TNKS1BP1: variants seen among roughly 807,000 people sequenced by gnomAD.
The protein encoded by TNKS1BP1 is 182 kDa tankyrase-1-binding protein.
A neutral mutation model predicts 141.1 loss-of-function variants in TNKS1BP1; 48 were observed. The ratio of observed to expected loss-of-function variants is 0.34; its 90% confidence interval spans 0.27 to 0.43. TNKS1BP1 has a LOEUF of 0.43. TNKS1BP1 is among the 20% of genes least tolerant of loss of function. TNKS1BP1 has a pLI of 1.00. For synonymous variants in TNKS1BP1, 875 were observed against 898.2 expected, an observed-to-expected ratio of 0.97 and a Z score of 0.46; for missense variants, 2,149 against 2,226.0, an observed-to-expected ratio of 0.97 and a Z score of 0.70.
chr11:57,320,630 C>A lies in TNKS1BP1; in HGVS notation c.177G>T (p.Leu59=), dbSNP rs1420150462. Residue 59 remains leucine, a synonymous_variant, in exon 3 of 12, where the codon CTG becomes CTT. Transcript: ENST00000358252. ...AKPALPAKPS[L]LVPVGPRPPR... ...GAGGCCGAGGCCCAACAGGCACCAGCAGGCTGGGTTTGGCAGGCAGGGCTG... is the reference window on the plus strand; with the variant it reads ...GAGGCCGAGGCCCAACAGGCACCAGAAGGCTGGGTTTGGCAGGCAGGGCTG... 2.5e-6 allele frequency: 4 copies of A among 1,613,424 alleles called. No individual in the cohort carries two copies. In the South Asian group the frequency reaches 4.4e-5, roughly 18 times the overall value.
At chr11:57,317,705 C>T (rs1011190837) in intron 4 of TNKS1BP1, 113 bp downstream of exon 4, 73 of 1,144,818 alleles carry the variant, frequency 6.4e-5, no homozygotes, top group Admixed American at 2.0e-5. Flanking sequence ...AGTCACTCTC[C>T]CCATGGGCCT....
rs1020493249 is a variant in TNKS1BP1, at chr11:57,320,464, G to C, written c.343C>G (p.Gln115Glu). 1.2e-6 allele frequency: 2 copies of C among 1,608,164 alleles called. No individual in the cohort carries two copies. The highest frequency in any genetic ancestry group is 8.5e-7 in the Non-Finnish European group (1 of 1,176,056). Residue 115 changes from glutamine (Q) to glutamate (E), a missense_variant, in exon 3 of 12, where the codon CAA (glutamine) becomes GAA (glutamate). Transcript: ENST00000358252. ...VEASTGGEAT[Q>E]ETGKEEAGKE... The stretch of plus-strand genomic sequence containing the variant: ...CCAGCCTCCTCTTTCCCAGTCTCTT[G>C]GGTGGCTTCTCCTCCAGTGGAGGCC...
At chr11:57,311,241 T>C in intron 5 of TNKS1BP1, 3 of 985,474 alleles carry the variant, frequency 3.0e-6, no homozygotes, top group Non-Finnish European at 3.6e-6. Context: ...GACTCACCCT[T>C]GTGGGCGGGA....
In TNKS1BP1 at chr11:57,313,825, G is replaced by C; in HGVS notation, c.863C>G (p.Pro288Arg). 1 of 1,540,656 alleles carries C rather than the reference G, an allele frequency of 6.5e-7. No individual in the cohort carries two copies. The highest frequency in any genetic ancestry group is 1.3e-5 in the South Asian group (1 of 77,122). Residue 288 changes from proline (P) to arginine (R), a missense_variant, in exon 5 of 12, where the codon CCA (proline) becomes CGA (arginine). By Grantham distance (103) the Pro-to-Arg change is moderately radical (BLOSUM62 -2). Coordinates refer to ENST00000358252, the MANE Select transcript of TNKS1BP1 (RefSeq NM_033396.3). The part of the protein sequence containing the change: ...PSSENGGPAS[P>R]GLPAEASGSG... ...GCCTGAGGCTTCTGCGGGGAGGCCT[G>C]GGCTGGCAGGGCCTCCATTCTCTGA...
chr11:57,302,591 C>T lies in TNKS1BP1; in HGVS notation c.4551G>A (p.Gln1517=). The change falls in exon 7 of 12, where the codon CAG becomes CAA. Residue 1517 remains glutamine (Q), a synonymous_variant. Transcript: ENST00000358252. The surrounding 1 kb of genome is among the most constrained non-coding windows in gnomAD (Gnocchi z 5.5). ...CCCAGGTGCCATCCACGTCTTCTGT[C>T]TGGCTGGCCTCACCATCAGGCTGCG... ...WRPQPDGEAS[Q]TEDVDGTWGS... is the part of the protein sequence containing the mutation. 6.2e-7 allele frequency: 1 copy of T among 1,613,050 alleles called. No homozygotes were observed. Among genetic ancestry groups the T allele is most frequent in the African/African-American group, 1.3e-5 (1 of 75,052 alleles).
rs1253858782 is a variant in TNKS1BP1, at chr11:57,311,141, GGCCCAGGAAAGAC to G, written c.2155-598_2155-586del. 5.1e-6 allele frequency: 4 copies of G among 781,242 alleles called. No homozygotes were observed. In the East Asian group the frequency reaches 3.8e-4, roughly 74 times the overall value. The allele number at this position is 781,242 out of a possible 1,614,324, so 48.4% of individuals were successfully genotyped here. A position where few individuals can be genotyped will look rare whatever the true frequency, so the allele number is the denominator to read the frequency against. On this transcript the variant is annotated intron_variant, in intron 5 of 11. Transcript: ENST00000358252. ...AGGAAGACCTCTCAGCCCTCACCCT[GGCCCAGGAAAGAC>G]AAGAGGGGCAGCCTCTGGCACAGGG...
intron 5 of TNKS1BP1, among the ~76,000 whole-genome samples, chr11:57,311,687 G>A (rs1195574878): frequency 4.0e-5 from 6 of 151,444 alleles, no homozygotes; most frequent in African/African-American, 7.3e-5. Flanking sequence ...GCCCAGGCCC[G>A]GCTTGAGAAA....
At chr11:57,324,446 C>T (rs1565048755) in intron 1 of TNKS1BP1, among the ~76,000 whole-genome samples, 1 of 106,058 alleles carries the variant, frequency 9.4e-6, no homozygotes, top group Non-Finnish European at 1.9e-5. Flanking sequence ...AGACGTCGAT[C>T]AGGTGGGGGC....
rs201586158 is a variant in TNKS1BP1 at position 57,312,658 on chromosome 11, C to T, written c.2030G>A (p.Gly677Asp). 3.8e-5 allele frequency: 61 copies of T among 1,587,306 alleles called. No individual in the cohort carries two copies. The African/African-American group carries it at 7.7e-4, about 20-fold the overall frequency. ...CAGCCAGCGGGAGCTGCTTTCAGGG[C>T]CTGGAGGCTCGGGGGATGCCCTACA... Reference protein sequence around the residue: ...DLCRASPEPPGPESSSRWLDD... With the variant: ...DLCRASPEPPDPESSSRWLDD... Residue 677 changes from glycine (G) to aspartate (D), a missense_variant, in exon 5 of 12, where the codon GGC becomes GAC. Physicochemically the swap from Gly to Asp is moderately conservative, Grantham distance 94 (BLOSUM62 -1). Transcript: ENST00000358252.
Position 57,308,897 on chromosome 11 carries a change from T to G in TNKS1BP1, c.3814A>C (p.Arg1272=). 4 of 1,613,934 alleles carry G rather than the reference T, an allele frequency of 2.5e-6. No individual in the cohort carries two copies. The highest frequency in any genetic ancestry group is 3.4e-6 in the Non-Finnish European group (4 of 1,180,022). The change falls in exon 6 of 12, where the codon AGG becomes CGG. Residue 1272 remains arginine, a synonymous_variant. Coordinates refer to ENST00000358252, the MANE Select transcript of TNKS1BP1 (RefSeq NM_033396.3). ...GVEAGEFLKS[R]ERGVGQADWT... ...TCTGCCTGTCCAACTCCACGCTCCCTTGATTTAAGGAACTCTCCGGCCTCC... is the reference window on the plus strand; with the variant it reads ...TCTGCCTGTCCAACTCCACGCTCCCGTGATTTAAGGAACTCTCCGGCCTCC...
rs753851189 is a variant in TNKS1BP1, at chr11:57,320,524, G to A, written c.283C>T (p.Arg95Cys). 27 of 1,613,358 alleles carry A rather than the reference G, an allele frequency of 1.7e-5. No homozygotes were observed. Among genetic ancestry groups the A allele is most frequent in the South Asian group, 4.4e-5 (4 of 91,056 alleles). ...GGCCTTGGTGCAAAGGGAAGGGGGC[G>A]CTTGCTGCCACCATAGGGCTGGGGT... ...AGPQPYGGSK[R>C]PLPFAPRPAV... is the part of the protein sequence containing the mutation. Residue 95 changes from arginine to cysteine, a missense_variant, in exon 3 of 12, where the codon CGC becomes TGC. By Grantham distance (180) the Arg-to-Cys change is radical. Coordinates refer to ENST00000358252, the MANE Select transcript of TNKS1BP1 (RefSeq NM_033396.3).
At position 57,302,009 on chromosome 11, in the gene TNKS1BP1, C is replaced by T. The variant is rs1329347925; in HGVS notation, c.4834+65G>A. The T allele has an allele frequency of 3.1e-6, 5 of 1,604,894 alleles. No homozygotes were observed. Among genetic ancestry groups the T allele is most frequent in the Non-Finnish European group, 3.4e-6 (4 of 1,172,718 alleles). On this transcript the variant is annotated intron_variant, in intron 8 of 11. Coordinates refer to ENST00000358252, the MANE Select transcript of TNKS1BP1 (RefSeq NM_033396.3). The surrounding 1 kb of genome is among the most constrained non-coding windows in gnomAD (Gnocchi z 5.5). Reference sequence around the variant, plus strand: ...CCCAGACTCCCCGAACCCATAACCCCTGCAAAAGCTTGGCCTAATGCCCTA... The same window carrying T: ...CCCAGACTCCCCGAACCCATAACCCTTGCAAAAGCTTGGCCTAATGCCCTA...
chr11:57,317,773 G>A lies in TNKS1BP1; in HGVS notation c.798+45C>T, dbSNP rs773541309. 17 of 1,579,242 alleles carry A rather than the reference G, an allele frequency of 1.1e-5. No homozygotes were observed. In the East Asian group the frequency reaches 3.6e-4, roughly 34 times the overall value. On this transcript the variant is annotated intron_variant, in intron 4 of 11. Transcript: ENST00000358252. The stretch of plus-strand genomic sequence containing the variant: ...AAGATGATCTCATATGACCCTTCCA[G>A]CTCTAAAATACGTGATTCTGATTCA...
intron 5 of TNKS1BP1, 54 bp from the exon 6 acceptor site, chr11:57,310,610 G>A: frequency 1.3e-6 from 2 of 1,553,526 alleles, no homozygotes; most frequent in Middle Eastern, 2.0e-4. Context: ...TTCCATCAGG[G>A]TGGGAGTCAA....
Position 57,310,573 on chromosome 11 carries a change from A to C in TNKS1BP1, c.2155-17T>G. 6.3e-7 allele frequency: 1 copy of C among 1,585,426 alleles called. No individual in the cohort carries two copies. Among genetic ancestry groups the C allele is most frequent in the Non-Finnish European group, 8.5e-7 (1 of 1,173,606 alleles). On this transcript the variant is annotated splice_polypyrimidine_tract_variant and intron_variant, in intron 5 of 11. Transcript: ENST00000358252. ...AAGGAGTCCCTGGGAATAAGAAAAAAAAACAGACAAAGAAACAACGATTAG... is the reference window on the plus strand; with the variant it reads ...AAGGAGTCCCTGGGAATAAGAAAAACAAACAGACAAAGAAACAACGATTAG...
chr11:57,319,982 C>T (rs781029504), intron 3 of TNKS1BP1, 97 bp downstream of exon 3: 38 of 1,520,348 alleles, frequency 2.5e-5, no homozygotes, highest in African/African-American at 4.1e-5. Flanking sequence ...AAGTCACAAC[C>T]CTATATGGGG....
intron 3 of TNKS1BP1, 95 bp downstream of exon 3, chr11:57,319,984 T>G (rs912954347): frequency 6.5e-7 from 1 of 1,526,878 alleles, no homozygotes; most frequent in East Asian, 2.3e-5. Context: ...GTCACAACCC[T>G]ATATGGGGCC....
At chr11:57,320,020 C>CCCCCCCCCA in intron 3 of TNKS1BP1, 59 bp downstream of exon 3, 8 of 1,213,900 alleles carry the variant, frequency 6.6e-6, no homozygotes, top group African/African-American at 1.5e-5. Flanking sequence ...AGCCCCCACC[C>CCCCCCCCCA]AATCCCACCC....
chr11:57,318,463 G>A (rs915298954), intron 3 of TNKS1BP1, among the ~76,000 whole-genome samples: 8 of 152,246 alleles, frequency 5.3e-5, no homozygotes, highest in African/African-American at 1.7e-4. Flanking sequence ...CAAGGCTCCA[G>A]ACACTTTCAG....
Sources: allele counts gnomAD v4.1 joint callset (sites outside exome capture counted in the v4.1 genomes callset), GRCh38; gene constraint gnomAD v4.1.1; non-coding constraint Gnocchi (gnomAD v3.1); transcripts MANE v1.5; gene names NCBI Gene and HGNC (gene_info 2026-07-23, HGNC 2026-07-21).